LRP2BP: variants seen among roughly 807,000 people sequenced by gnomAD.
LRP2BP encodes the protein LRP2-binding protein.
In LRP2BP, 38 loss-of-function variants were observed where a neutral mutation model predicts 45.2. The observed-to-expected ratio is 0.84, with a 90% CI of 0.65 to 1.10. The LOEUF (loss-of-function observed/expected upper bound fraction) is 1.10. Among genes scored for constraint, LRP2BP ranks in the 50% least tolerant of loss-of-function variants. The pLI is 0.00. For synonymous variants in LRP2BP, 153 were observed against 153.9 expected (o/e 0.99, Z 0.04); for missense variants, 385 against 418.9 (o/e 0.92, Z 0.71).
intron 1 of LRP2BP, among the ~76,000 whole-genome samples, chr4:185,387,617 T>C (rs907501339): frequency 6.6e-6 from 1 of 152,158 alleles, no homozygotes; most frequent in Non-Finnish European, 1.5e-5. Context: ...ACCTGCATGT[T>C]TCTCTTCTCT....
intron 6 of LRP2BP, 121 bp downstream of exon 6, chr4:185,374,014 T>C (rs546700099): frequency 3.8e-6 from 3 of 791,912 alleles, no homozygotes; most frequent in Non-Finnish European, 4.0e-6. Flanking sequence ...ATGCTTTCTT[T>C]ACATTTAAAG....
intron 1 of LRP2BP, among the ~76,000 whole-genome samples, chr4:185,388,939 G>A (rs1011679599): frequency 4.0e-5 from 6 of 151,774 alleles, no homozygotes; most frequent in African/African-American, 7.3e-5. Flanking sequence ...ACAGTGGTGC[G>A]ATCTCGGCTC....
At chr4:185,385,725 A>T (rs1210139081) in intron 1 of LRP2BP, among the ~76,000 whole-genome samples, 1 of 148,530 alleles carries the variant, frequency 6.7e-6, no homozygotes, top group African/African-American at 2.4e-5. Context: ...AAAAGGTGAA[A>T]CTCCGTCTCT....
chr4:185,393,682 C>G (rs2095494271), intron 1 of LRP2BP, among the ~76,000 whole-genome samples: 1 of 151,964 alleles, frequency 6.6e-6, no homozygotes, highest in South Asian at 2.1e-4. Context: ...CCTGCCACCA[C>G]GCCCGGCCAA....
At chr4:185,396,489 C>T, upstream of LRP2BP, 1 of 167,750 alleles carries the variant, frequency 6.0e-6, no homozygotes, top group Non-Finnish European at 1.3e-5. Context: ...TCATGGCGGC[C>T]GCGGAGCCCC....
chr4:185,369,450 G>A (rs2095407304), intron 8 of LRP2BP, among the ~76,000 whole-genome samples: 1 of 151,784 alleles, frequency 6.6e-6, no homozygotes, highest in African/African-American at 2.4e-5. Flanking sequence ...CACCATGTTG[G>A]CCAGGCTGGT....
chr4:185,374,057 C>T, intron 6 of LRP2BP, 78 bp downstream of exon 6: 1 of 1,180,608 alleles, frequency 8.5e-7, no homozygotes. Context: ...CGACATTCCC[C>T]ACCATTTTCT....
At chr4:185,374,863 G>A (rs561439334) in intron 4 of LRP2BP, among the ~76,000 whole-genome samples, 3 of 152,086 alleles carry the variant, frequency 2.0e-5, no homozygotes, top group East Asian at 1.9e-4. Context: ...TAATTCTTAC[G>A]ATACACTTGC....
chr4:185,371,269 G>A (rs1207191716), intron 7 of LRP2BP, among the ~76,000 whole-genome samples: 1 of 152,142 alleles, frequency 6.6e-6, no homozygotes, highest in Non-Finnish European at 1.5e-5. Context: ...GCTGGGCGCG[G>A]TGGCTCACGC....
chr4:185,370,762 C>T lies in LRP2BP; in HGVS notation c.856G>A (p.Asp286Asn). The T allele has an allele frequency of 6.2e-7, 1 of 1,614,088 alleles. No individual in the cohort carries two copies. The highest frequency in any genetic ancestry group is 8.5e-7 in the Non-Finnish European group (1 of 1,180,020). ...HDIPMIAQVT[D>N]CLPEFIGRGM... The stretch of plus-strand genomic sequence containing the variant: ...CTGCCGATGAACTCCGGGAGACAGT[C>T]TGTGACCTGGGCGATCATGGGGATG... Residue 286 changes from aspartate (D) to asparagine (N), a missense_variant, in exon 8 of 9, where the codon GAC (aspartate) becomes AAC (asparagine). Physicochemically the swap from Asp to Asn is conservative, Grantham distance 23. Coordinates refer to ENST00000505916, the MANE Select transcript of LRP2BP (RefSeq NM_001377440.1).
intron 4 of LRP2BP, among the ~76,000 whole-genome samples, chr4:185,375,097 T>G (rs2095428824): frequency 6.6e-6 from 1 of 151,858 alleles, no homozygotes; most frequent in African/African-American, 2.4e-5. Flanking sequence ...AAAATAATAT[T>G]GGACAATCAA....
At chr4:185,384,898 G>A (rs1055786317) in intron 1 of LRP2BP, among the ~76,000 whole-genome samples, 2 of 40,936 alleles carry the variant, frequency 4.9e-5, no homozygotes, top group African/African-American at 8.9e-5. Context: ...CCCCCTCCCC[G>A]CCCCCCGTCC....
chr4:185,397,240 G>A (rs148632709), upstream of LRP2BP: 75 of 1,614,156 alleles, frequency 4.6e-5, 1 homozygote, highest in African/African-American at 9.7e-4. Context: ...CTTAGCCGCA[G>A]GAAGCGGCCT....
intron 1 of LRP2BP, among the ~76,000 whole-genome samples, chr4:185,388,876 AATAATT>A (rs913630450): frequency 2.0e-5 from 3 of 151,886 alleles, no homozygotes; most frequent in African/African-American, 7.2e-5. Context: ...ATAAAATAAT[AATAATT>A]ATTATTTTTT....
upstream of LRP2BP, chr4:185,396,646 C>T: frequency 4.1e-6 from 2 of 492,004 alleles, no homozygotes; most frequent in Non-Finnish European, 7.2e-6. Flanking sequence ...CCTCGCGCGC[C>T]CGCCCCCTCC....
At chr4:185,392,616 T>TA (rs57672293) in intron 1 of LRP2BP, among the ~76,000 whole-genome samples, 4,858 of 152,088 alleles carry the variant, frequency 0.032, 94 homozygotes, top group Middle Eastern at 0.071. Context: ...AAAAAAAACT[T>TA]AAAAAAAATC....
rs35543353 is a variant in LRP2BP, at chr4:185,369,227, CTTTTTTT to C, written c.978+1406_978+1412del. ...TTGGAAATTGATGTAATACAGAGAGCTTTTTTTTTTTTTTTTTTTTTGAGACAGAGTC... is the reference window on the plus strand; with the variant it reads ...TTGGAAATTGATGTAATACAGAGAGCTTTTTTTTTTTTTTGAGACAGAGTC... On this transcript the variant is annotated intron_variant, in intron 8 of 8. Coordinates refer to ENST00000505916, the MANE Select transcript of LRP2BP (RefSeq NM_001377440.1). Among the ~76,000 whole-genome samples, 41 of 100,930 alleles carry C rather than the reference CTTTTTTT, an allele frequency of 4.1e-4. No homozygotes were observed. In the South Asian group the frequency reaches 0.013, roughly 31 times the overall value. 66.2% of individuals were successfully genotyped at this position (100,930 alleles called of 152,430 possible). A position where few individuals can be genotyped will look rare whatever the true frequency, so the allele number is the denominator to read the frequency against.
Position 185,395,088 on chromosome 4 carries a change from A to T in LRP2BP, c.-331T>A, listed in dbSNP as rs2095498292. 1.1e-6 allele frequency: 1 copy of T among 901,910 alleles called. No individual in the cohort carries two copies. The highest frequency in any genetic ancestry group is 5.5e-5 in the South Asian group (1 of 18,246). The allele number at this position is 901,910 out of a possible 1,614,324, so 55.9% of individuals were successfully genotyped here. The stretch of plus-strand genomic sequence containing the variant: ...CAAGTCAGATATCCAGCTGAGATAC[A>T]ACTTTTTTTTCTGAAAACAATGTGA... On this transcript the variant is annotated 5_prime_UTR_variant, in exon 1 of 9. Coordinates refer to ENST00000505916, the MANE Select transcript of LRP2BP (RefSeq NM_001377440.1).
chr4:185,373,192 T>C (rs1363735766), intron 6 of LRP2BP, 113 bp from the exon 7 acceptor site: 2 of 989,828 alleles, frequency 2.0e-6, no homozygotes, highest in Non-Finnish European at 3.0e-6. Context: ...TAATCATCTC[T>C]AGGAAAGAGC....
Sources: gnomAD v4.1 joint callset for allele counts (sites outside exome capture counted in the v4.1 genomes callset) on GRCh38, gnomAD v4.1.1 for gene constraint, MANE v1.5 for transcripts, NCBI Gene and HGNC (gene_info 2026-07-23, HGNC 2026-07-21) for gene names.